The following TEX11 variants were observed in gnomAD, a reference collection of about 807,000 sequenced individuals.
TEX11 encodes the protein testis expressed 11, also known as testis-expressed protein 11.
A neutral mutation model predicts 84.4 loss-of-function variants in TEX11; 7 were observed. That is an observed-to-expected ratio of 0.08 (90% CI 0.05 to 0.16). TEX11 has a LOEUF of 0.16. Among genes scored for constraint, TEX11 ranks in the 10% least tolerant of loss-of-function variants. TEX11 has a pLI of 1.00. For synonymous variants in TEX11, 264 were observed against 222.8 expected, an observed-to-expected ratio of 1.18 and a Z score of -1.64; for missense variants, 551 against 660.5, an observed-to-expected ratio of 0.83 and a Z score of 1.82.
chrX:70,776,359 C>T (rs1004804266), intron 9 of TEX11, among the ~76,000 whole-genome samples: 3 of 109,845 alleles, frequency 2.7e-5, no homozygotes, highest in Non-Finnish European at 3.8e-5. Context: ...TCCAGGAGTT[C>T]GAGACCAACC....
At chrX:70,859,639 T>G (rs2091558477) in intron 5 of TEX11, among the ~76,000 whole-genome samples, 1 of 109,484 alleles carries the variant, frequency 9.1e-6, no homozygotes, top group Non-Finnish European at 1.9e-5. Context: ...TCACTTTTTA[T>G]TACTTTAATT....
intron 8 of TEX11, among the ~76,000 whole-genome samples, chrX:70,832,147 TTCTGGCC>T (rs1475345560): frequency 9.0e-6 from 1 of 111,534 alleles, no homozygotes; most frequent in Non-Finnish European, 1.9e-5. Flanking sequence ...TTCTGTGGTT[TTCTGGCC>T]TCAAATTCAC....
intron 16 of TEX11, among the ~76,000 whole-genome samples, chrX:70,653,960 A>G (rs185084178): frequency 8.9e-6 from 1 of 112,200 alleles, no homozygotes; most frequent in East Asian, 2.8e-4. Flanking sequence ...CACGATTCCA[A>G]TTATGTGACA....
intron 7 of TEX11, among the ~76,000 whole-genome samples, chrX:70,843,588 A>C (rs1034193974): frequency 4.3e-4 from 48 of 111,986 alleles, no homozygotes; most frequent in Non-Finnish European, 7.7e-4. Flanking sequence ...CAATGGCAAC[A>C]AAAGCCAAAA....
At chrX:70,837,971 T>C (rs1281558889) in intron 7 of TEX11, among the ~76,000 whole-genome samples, 6 of 112,085 alleles carry the variant, frequency 5.4e-5, no homozygotes, top group Non-Finnish European at 1.1e-4. Flanking sequence ...GTGGATTGTA[T>C]CAATGTCTAT....
intron 16 of TEX11, among the ~76,000 whole-genome samples, chrX:70,661,811 T>A (rs962463328): frequency 2.7e-5 from 3 of 112,020 alleles, no homozygotes; most frequent in East Asian, 2.8e-4. Flanking sequence ...GAGGGTCCTG[T>A]CTGTTAGAAG....
rs983657249 is a variant in TEX11 at position 70,609,242 on chromosome X, C to T, written c.1793-65G>A. ...TTATACTCTAGCAAAATTGTTTAAT[C>T]CTGCTTTAAGAACAGTCTCACAGGA... On this transcript the variant is annotated intron_variant, in intron 21 of 29. Transcript: ENST00000374333. The T allele has an allele frequency of 3.0e-6, 3 of 1,011,015 alleles. No homozygotes were observed. The African/African-American group carries it at 5.7e-5, about 19-fold the overall frequency. 83.3% of individuals were successfully genotyped at this position (1,011,015 alleles called of 1,213,427 possible). A position where few individuals can be genotyped will look rare whatever the true frequency, so the allele number is the denominator to read the frequency against.
chrX:70,907,920 G>A, intron 1 of TEX11, 110 bp from the exon 2 acceptor site: 1 of 543,280 alleles, frequency 1.8e-6, no homozygotes, highest in Non-Finnish European at 3.0e-6. Flanking sequence ...GAGAAAAAAA[G>A]GCTGAGTAAA....
At chrX:70,540,927 A>T (rs1479513822) in intron 28 of TEX11, among the ~76,000 whole-genome samples, 1 of 112,480 alleles carries the variant, frequency 8.9e-6, no homozygotes, top group Non-Finnish European at 1.9e-5. Flanking sequence ...GAAAAGAACC[A>T]ATCTTGGCCA....
intron 24 of TEX11, among the ~76,000 whole-genome samples, chrX:70,594,521 T>C (rs1025985972): frequency 3.6e-5 from 4 of 111,365 alleles, no homozygotes; most frequent in African/African-American, 9.8e-5. Context: ...AATATATATT[T>C]GTATTGTTGG....
intron 4 of TEX11, among the ~76,000 whole-genome samples, chrX:70,865,115 A>C (rs770353800): frequency 9.0e-6 from 1 of 111,658 alleles, no homozygotes; most frequent in South Asian, 3.8e-4. Context: ...TTGGATAACG[A>C]GTCAAGACCC....
At position 70,606,868 on chromosome X, in the gene TEX11, A is replaced by G. The variant is rs764757640; in HGVS notation, c.1950+91T>C. 2.3e-4 allele frequency: 114 copies of G among 501,210 alleles called. No individual in the cohort carries two copies. In the East Asian group the frequency reaches 2.4e-3, roughly 11 times the overall value. 41.3% of individuals were successfully genotyped at this position (501,210 alleles called of 1,213,427 possible). On this transcript the variant is annotated intron_variant, in intron 23 of 29. Coordinates refer to ENST00000374333, the MANE Select transcript of TEX11 (RefSeq NM_031276.3). ...TTAAAAGTTCCTAGATCAAGAGACA[A>G]TCCTAGTCTATATTTAGCCCTTTAC...
chrX:70,548,465 A>T (rs190967098), intron 28 of TEX11, among the ~76,000 whole-genome samples: 347 of 110,945 alleles, frequency 3.1e-3, no homozygotes, highest in Non-Finnish European at 4.7e-3. Flanking sequence ...GTGAGTGATC[A>T]CAGCACCTGG....
intron 28 of TEX11, among the ~76,000 whole-genome samples, chrX:70,543,200 A>T (rs1467990158): frequency 8.1e-5 from 9 of 111,704 alleles, no homozygotes; most frequent in African/African-American, 2.9e-4. Context: ...AAATAAATAA[A>T]AAATAAATAA....
At position 70,712,444 on chromosome X, in the gene TEX11, T is replaced by C. The variant is rs746086470; in HGVS notation, c.1004+10174A>G. On this transcript the variant is annotated intron_variant, in intron 13 of 29. Coordinates refer to ENST00000374333, the MANE Select transcript of TEX11 (RefSeq NM_031276.3). ...TGAGCATGGAATGTTCTTCCATTTGTTTTTATCCTCTTTTATTTCATTGAG... is the reference window on the plus strand; with the variant it reads ...TGAGCATGGAATGTTCTTCCATTTGCTTTTATCCTCTTTTATTTCATTGAG... Among the ~76,000 whole-genome samples the C allele has an allele frequency of 4.5e-5, 5 of 111,811 alleles. No individual in the cohort carries two copies. In the South Asian group the frequency reaches 1.5e-3, roughly 34 times the overall value.
At chrX:70,648,193 C>G (rs777151554) in intron 17 of TEX11, among the ~76,000 whole-genome samples, 5 of 110,927 alleles carry the variant, frequency 4.5e-5, no homozygotes, top group Non-Finnish European at 9.4e-5. Context: ...TATTCTCACT[C>G]ATAGGTGGGA....
intron 13 of TEX11, among the ~76,000 whole-genome samples, chrX:70,715,651 T>G (rs187230386): frequency 7.4e-4 from 83 of 112,263 alleles, no homozygotes; most frequent in African/African-American, 2.3e-3. Context: ...TCAGGTCCTT[T>G]AAGGACTTCT....
intron 16 of TEX11, among the ~76,000 whole-genome samples, chrX:70,660,531 A>G (rs1293125257): frequency 9.1e-5 from 10 of 109,770 alleles, no homozygotes; most frequent in Non-Finnish European, 1.7e-4. Context: ...GAGCAAACAC[A>G]TTAGCCTAGA....
At chrX:70,823,413 C>T (rs1248187897) in intron 8 of TEX11, among the ~76,000 whole-genome samples, 2 of 109,547 alleles carry the variant, frequency 1.8e-5, no homozygotes, top group Admixed American at 9.8e-5. Context: ...AGTGTTCTCA[C>T]CACAAAAAAA....
Sources: gnomAD v4.1 joint callset for allele counts (sites outside exome capture counted in the v4.1 genomes callset) on GRCh38, gnomAD v4.1.1 for gene constraint, MANE v1.5 for transcripts, NCBI Gene and HGNC (gene_info 2026-07-23, HGNC 2026-07-21) for gene names.